Variants in TAFA1 observed in about 807,000 individuals in gnomAD.
TAFA1 encodes TAFA chemokine like family member 1, also known as chemokine-like protein TAFA-1.
A neutral mutation model predicts 18.5 loss-of-function variants in TAFA1; 4 were observed. The observed-to-expected ratio is 0.22, with a 90% CI of 0.11 to 0.49. TAFA1 has a LOEUF of 0.49. Among genes scored for constraint, TAFA1 ranks in the 20% least tolerant of loss-of-function variants. TAFA1 has a pLI of 0.98. For missense variants in TAFA1, 147 were observed against 169.0 expected, an observed-to-expected ratio of 0.87 and a Z score of 0.72; for synonymous variants, 56 against 55.2, an observed-to-expected ratio of 1.01 and a Z score of -0.06.
intron 4 of TAFA1, 108 bp downstream of exon 4, chr3:68,538,988 C>A: frequency 1.7e-6 from 2 of 1,145,692 alleles, no homozygotes; most frequent in Admixed American, 2.4e-5. Context: ...AGAAGATTCT[C>A]CACTGACAGA....
intron 2 of TAFA1, among the ~76,000 whole-genome samples, chr3:68,190,936 C>T (rs140299373): frequency 2.0e-5 from 3 of 151,888 alleles, no homozygotes; most frequent in East Asian, 1.9e-4. Context: ...ATACCTCTCA[C>T]CCCACATTGA....
intron 2 of TAFA1, among the ~76,000 whole-genome samples, chr3:68,120,337 C>T (rs1332175836): frequency 6.6e-6 from 1 of 151,690 alleles, no homozygotes; most frequent in East Asian, 1.9e-4. Context: ...ACAACCTCTG[C>T]CTCCTGGGTT....
At position 68,007,878 on chromosome 3, in the gene TAFA1, GC is replaced by G. The variant is rs1704392377; in HGVS notation, c.118+1138del. ...CAGCCCTCCAGCAATACCTTCCGGG[GC>G]CCCGCTTGCTGCCTCCTGGGGCTCA... is the stretch of plus-strand genomic sequence containing the variant. On this transcript the variant is annotated intron_variant, in intron 2 of 4. Coordinates refer to ENST00000478136, the MANE Select transcript of TAFA1 (RefSeq NM_213609.4). Among the ~76,000 whole-genome samples, 2 of 152,202 alleles carry G rather than the reference GC, an allele frequency of 1.3e-5. 1 individual carries two copies. Among genetic ancestry groups the G allele is most frequent in the South Asian group, 4.1e-4 (2 of 4,836 alleles).
At chr3:68,093,357 G>C (rs915089381) in intron 2 of TAFA1, among the ~76,000 whole-genome samples, 1 of 152,080 alleles carries the variant, frequency 6.6e-6, no homozygotes, top group Non-Finnish European at 1.5e-5. Flanking sequence ...CTTTGGGTCT[G>C]AGCCATGATG....
chr3:68,537,546 C>G (rs947295580), intron 3 of TAFA1, among the ~76,000 whole-genome samples: 1 of 152,064 alleles, frequency 6.6e-6, no homozygotes, highest in African/African-American at 2.4e-5. Flanking sequence ...TTCTTTTAGG[C>G]CTTTAAAAGT....
At chr3:68,214,363 A>G (rs1453549487) in intron 2 of TAFA1, among the ~76,000 whole-genome samples, 1 of 152,100 alleles carries the variant, frequency 6.6e-6, no homozygotes, top group Non-Finnish European at 1.5e-5. Context: ...TCCTGGCCAC[A>G]TGGCATAGAT....
intron 2 of TAFA1, among the ~76,000 whole-genome samples, chr3:68,110,059 T>C (rs1261327740): frequency 6.6e-6 from 1 of 152,180 alleles, no homozygotes; most frequent in Non-Finnish European, 1.5e-5. Context: ...GGGGGTTTGC[T>C]GCACAGATCC....
intron 2 of TAFA1, among the ~76,000 whole-genome samples, chr3:68,010,258 G>A (rs767987712): frequency 6.6e-6 from 1 of 152,112 alleles, no homozygotes; most frequent in Non-Finnish European, 1.5e-5. Context: ...GGGCACTTTG[G>A]CTGTTCCTTG....
At chr3:68,137,190 CA>C (rs1013749802) in intron 2 of TAFA1, among the ~76,000 whole-genome samples, 8 of 150,544 alleles carry the variant, frequency 5.3e-5, no homozygotes, top group Non-Finnish European at 1.2e-4. Context: ...CAAAGCAAAA[CA>C]AAAAAACCTC....
chr3:68,212,444 T>C (rs975937425), intron 2 of TAFA1, among the ~76,000 whole-genome samples: 2 of 151,958 alleles, frequency 1.3e-5, no homozygotes, highest in African/African-American at 2.4e-5. Flanking sequence ...AAATAGAGGG[T>C]CAGTTTCAGC....
At chr3:68,390,037 A>G (rs572129669) in intron 2 of TAFA1, among the ~76,000 whole-genome samples, 100 of 152,290 alleles carry the variant, frequency 6.6e-4, no homozygotes, top group African/African-American at 2.3e-3. Context: ...GGGGTGAAGC[A>G]AGGAAGGTGA....
chr3:68,370,363 C>CACATATATAT (rs1301301427), intron 2 of TAFA1, among the ~76,000 whole-genome samples: 2 of 58,582 alleles, frequency 3.4e-5, no homozygotes, highest in East Asian at 4.1e-4. Context: ...TACACACACA[C>CACATATATAT]ACACATATAT....
intron 2 of TAFA1, among the ~76,000 whole-genome samples, chr3:68,340,488 G>A (rs778982900): frequency 3.3e-5 from 5 of 152,184 alleles, no homozygotes; most frequent in Non-Finnish European, 5.9e-5. Flanking sequence ...AGTATTATGC[G>A]AAGGAATGAG....
intron 2 of TAFA1, among the ~76,000 whole-genome samples, chr3:68,158,007 A>G (rs1444744377): frequency 6.6e-6 from 1 of 152,194 alleles, no homozygotes; most frequent in Non-Finnish European, 1.5e-5. Context: ...TCCAGAGATC[A>G]ATAGCTTTCT....
intron 2 of TAFA1, among the ~76,000 whole-genome samples, chr3:68,075,753 G>A (rs542411491): frequency 8.0e-4 from 119 of 149,088 alleles, no homozygotes; most frequent in Non-Finnish European, 1.5e-3. Context: ...CTAGAGTACA[G>A]TGGTACAATC....
chr3:68,102,345 T>G (rs2065157690), intron 2 of TAFA1, among the ~76,000 whole-genome samples: 1 of 152,192 alleles, frequency 6.6e-6, no homozygotes, highest in African/African-American at 2.4e-5. Flanking sequence ...TACTACCATT[T>G]AATTATCTAC....
At chr3:68,310,525 T>G (rs1272043506) in intron 2 of TAFA1, among the ~76,000 whole-genome samples, 13 of 152,200 alleles carry the variant, frequency 8.5e-5, no homozygotes, top group Admixed American at 8.5e-4. Context: ...CAATTTATAG[T>G]TTATATTGTT....
At chr3:68,253,519 C>G (rs2067236222) in intron 2 of TAFA1, among the ~76,000 whole-genome samples, 1 of 152,168 alleles carries the variant, frequency 6.6e-6, no homozygotes, top group South Asian at 2.1e-4. Flanking sequence ...ATTTTGTGCA[C>G]TACTTACTGC....
intron 2 of TAFA1, among the ~76,000 whole-genome samples, chr3:68,356,002 G>A (rs995755159): frequency 2.6e-5 from 4 of 151,872 alleles, no homozygotes; most frequent in Admixed American, 6.6e-5. Flanking sequence ...AATGAAATTA[G>A]AAATTCAGCT....
Sources: allele counts gnomAD v4.1 joint callset (sites outside exome capture counted in the v4.1 genomes callset), GRCh38; gene constraint gnomAD v4.1.1; transcripts MANE v1.5; gene names NCBI Gene and HGNC (gene_info 2026-07-23, HGNC 2026-07-21).